SLC22A25: variants seen among roughly 807,000 people sequenced by gnomAD.
The protein encoded by SLC22A25 is solute carrier family 22 member 25, also known as MGI:2442751, MGI:2385316, MGI:3042283, MGI:3645714, MGI:3605624, MGI:2442750.
Under a neutral mutation model 45.9 loss-of-function variants are expected in SLC22A25, and 44 were observed. The observed-to-expected ratio is 0.96, with a 90% confidence interval of 0.75 to 1.23. The LOEUF (loss-of-function observed/expected upper bound fraction) is 1.23, where lower values mean the gene tolerates loss of function less well. SLC22A25 is among the 50% of genes most tolerant of loss of function. The pLI is 0.00. For missense variants in SLC22A25, 800 were observed against 666.4 expected, an observed-to-expected ratio of 1.20 and a Z score of -2.21; for synonymous variants, 283 against 238.6, an observed-to-expected ratio of 1.19 and a Z score of -1.72.
chr11:63,173,527 C>T (rs1013215134), intron 9 of SLC22A25, among the ~76,000 whole-genome samples: 11 of 152,244 alleles, frequency 7.2e-5, no homozygotes, highest in East Asian at 5.8e-4. Context: ...AGGCAGGGCT[C>T]AGTCACCCTT....
chr11:63,224,826 G>A (rs2089924678), intron 5 of SLC22A25, among the ~76,000 whole-genome samples: 1 of 152,068 alleles, frequency 6.6e-6, no homozygotes, highest in Non-Finnish European at 1.5e-5. Flanking sequence ...TAGGCTGGGG[G>A]CGGTGGCTGA....
chr11:63,241,964 G>T (rs1008418655), intron 1 of SLC22A25, among the ~76,000 whole-genome samples: 2 of 152,166 alleles, frequency 1.3e-5, no homozygotes, highest in Non-Finnish European at 2.9e-5. Context: ...AAACAGAAAT[G>T]AGGTTTCTAA....
intron 3 of SLC22A25, among the ~76,000 whole-genome samples, chr11:63,237,636 A>G (rs1178172473): frequency 6.6e-6 from 1 of 152,210 alleles, no homozygotes; most frequent in African/African-American, 2.4e-5. Flanking sequence ...AACTGTTCTC[A>G]TATTTCTAAA....
At chr11:63,175,841 A>ATATATATATATATATATATATATATATG (rs1236707784) in intron 9 of SLC22A25, among the ~76,000 whole-genome samples, 6 of 151,408 alleles carry the variant, frequency 4.0e-5, no homozygotes, top group African/African-American at 1.5e-4. Context: ...ATATATATAC[A>ATATATATATATATATATATATATATATG]CATTTTAATA....
intron 7 of SLC22A25, among the ~76,000 whole-genome samples, chr11:63,192,831 A>G (rs2088864757): frequency 6.6e-6 from 1 of 152,240 alleles, no homozygotes; most frequent in Admixed American, 6.5e-5. Context: ...ACCCAAATTC[A>G]TAAAGCAAGT....
At chr11:63,231,422 T>G (rs965352073) in intron 3 of SLC22A25, among the ~76,000 whole-genome samples, 1 of 152,260 alleles carries the variant, frequency 6.6e-6, no homozygotes, top group African/African-American at 2.4e-5. Context: ...CATTTTTTCA[T>G]GTGTCTTTTG....
At chr11:63,164,425 T>C (rs949856286) in intron 11 of SLC22A25, 101 bp downstream of exon 11, 2 of 1,038,512 alleles carry the variant, frequency 1.9e-6, no homozygotes, top group East Asian at 2.6e-5. Flanking sequence ...CATTTGATTG[T>C]TTTTTAACTA....
chr11:63,236,093 G>C (rs1043289205), intron 3 of SLC22A25, among the ~76,000 whole-genome samples: 1 of 152,194 alleles, frequency 6.6e-6, no homozygotes, highest in Non-Finnish European at 1.5e-5. Context: ...GGTGTTCAGG[G>C]ACCCACTTGA....
Position 63,229,354 on chromosome 11 carries a change from T to A in SLC22A25, c.299A>T (p.His100Leu). The A allele has an allele frequency of 6.2e-7, 1 of 1,613,994 alleles. No homozygotes were observed. Among genetic ancestry groups the A allele is most frequent in the Non-Finnish European group, 8.5e-7 (1 of 1,179,906 alleles). Residue 100 changes from histidine to leucine, a missense_variant, in exon 4 of 12, where the codon CAT (histidine) becomes CTT (leucine). By Grantham distance (99) the His-to-Leu change is moderately conservative. Coordinates refer to ENST00000306494, the MANE Select transcript of SLC22A25 (RefSeq NM_199352.6). Reference protein sequence around the residue: ...RFVHPQWKLIHLNGTFPNTSE... With the variant: ...RFVHPQWKLILLNGTFPNTSE... ...CGTGTTGGGGAAGGTCCCATTCAGATGAATGAGCTTCCACTGGGGATGGAC... is the reference window on the plus strand; with the variant it reads ...CGTGTTGGGGAAGGTCCCATTCAGAAGAATGAGCTTCCACTGGGGATGGAC...
Position 63,243,599 on chromosome 11 carries a change from T to C in SLC22A25, c.-1161A>G. 1.3e-6 allele frequency: 1 copy of C among 766,522 alleles called. No homozygotes were observed. Among genetic ancestry groups the C allele is most frequent in the Non-Finnish European group, 2.4e-6 (1 of 411,190 alleles). 47.5% of individuals were successfully genotyped at this position (766,522 alleles called of 1,614,324 possible). Reference sequence around the variant, plus strand: ...CATCAAGCCTCAGGAGCTGCTGGAGTGGGAACTGGTGGTGTTGGGAAAGTT... The same window carrying C: ...CATCAAGCCTCAGGAGCTGCTGGAGCGGGAACTGGTGGTGTTGGGAAAGTT... On this transcript the variant is annotated 5_prime_UTR_variant, in exon 1 of 12. Transcript: ENST00000306494.
chr11:63,237,752 A>T (rs980763830), intron 3 of SLC22A25, among the ~76,000 whole-genome samples, 129 bp downstream of exon 3: 7 of 152,090 alleles, frequency 4.6e-5, no homozygotes, highest in African/African-American at 1.7e-4. Context: ...GATAGCCCTC[A>T]CCACACAGAT....
At chr11:63,206,119 A>G (rs2089396538) in intron 7 of SLC22A25, among the ~76,000 whole-genome samples, 1 of 152,360 alleles carries the variant, frequency 6.6e-6, no homozygotes, top group South Asian at 2.1e-4. Flanking sequence ...TAAACTAGTT[A>G]TTGATGGAAC....
chr11:63,183,406 G>A (rs1242585623), intron 8 of SLC22A25, among the ~76,000 whole-genome samples: 1 of 151,996 alleles, frequency 6.6e-6, no homozygotes, highest in Admixed American at 6.6e-5. Flanking sequence ...ACTAATTTAG[G>A]TTACTTTCTA....
intron 7 of SLC22A25, chr11:63,208,031 T>C (rs1448770621): frequency 1.3e-5 from 2 of 152,224 alleles, no homozygotes; most frequent in East Asian, 1.9e-4. Flanking sequence ...CTGAACCCCA[T>C]TGGTCTCTCT....
chr11:63,204,153 AG>A (rs1185163682), intron 7 of SLC22A25, among the ~76,000 whole-genome samples: 55 of 152,380 alleles, frequency 3.6e-4, no homozygotes, highest in African/African-American at 1.3e-3. Context: ...GAGCTCCTGA[AG>A]GAAGCACTAA....
intron 3 of SLC22A25, among the ~76,000 whole-genome samples, chr11:63,232,176 A>G (rs2090081113): frequency 1.3e-5 from 2 of 152,172 alleles, no homozygotes; most frequent in Admixed American, 6.5e-5. Flanking sequence ...GAAGAAAGTC[A>G]TTGGTAGCTT....
intron 8 of SLC22A25, among the ~76,000 whole-genome samples, chr11:63,182,940 A>G (rs1163157439): frequency 6.6e-6 from 1 of 152,128 alleles, no homozygotes; most frequent in East Asian, 1.9e-4. Flanking sequence ...AGATTTAAAC[A>G]TGTCCATTAG....
intron 8 of SLC22A25, among the ~76,000 whole-genome samples, chr11:63,183,070 T>G (rs963857821): frequency 1.3e-5 from 2 of 152,096 alleles, no homozygotes; most frequent in Non-Finnish European, 2.9e-5. Context: ...ACTTTACATT[T>G]ACTTAATAAT....
At position 63,182,834 on chromosome 11, in the gene SLC22A25, G is replaced by C. The variant is rs573416719; in HGVS notation, c.954+860C>G. 2.6e-5 allele frequency among the ~76,000 whole-genome samples: 4 copies of C among 152,112 alleles called. No homozygotes were observed. In the East Asian group the frequency reaches 5.8e-4, roughly 22 times the overall value. ...TTTATTCATTCTCTCTGATTAACTA[G>C]CTCCTAGTCCTCTCCTGTTTCAGTA... On this transcript the variant is annotated intron_variant, in intron 8 of 11. Transcript: ENST00000306494.
Sources: allele counts gnomAD v4.1 joint callset (sites outside exome capture counted in the v4.1 genomes callset), GRCh38; gene constraint gnomAD v4.1.1; transcripts MANE v1.5; gene names NCBI Gene and HGNC (gene_info 2026-07-23, HGNC 2026-07-21).